Variants in PPP1R9A observed in about 807,000 individuals in gnomAD.
PPP1R9A encodes the protein protein phosphatase 1 regulatory subunit 9A.
In PPP1R9A, 59 loss-of-function variants were observed where a neutral mutation model predicts 141.9. The ratio of observed to expected loss-of-function variants is 0.42; its 90% CI spans 0.34 to 0.52. The LOEUF (loss-of-function observed/expected upper bound fraction) is 0.52, where lower values mean the gene tolerates loss of function less well. Ranked by LOEUF, PPP1R9A falls within the 20% of genes least tolerant of loss-of-function variation. PPP1R9A has a pLI of 0.10. For missense variants in PPP1R9A, 1,444 were observed against 1,611.9 expected (o/e 0.90, Z 1.78); for synonymous variants, 500 against 569.7 (o/e 0.88, Z 1.74).
intron 4 of PPP1R9A, among the ~76,000 whole-genome samples, chr7:95,141,147 G>T (rs1226227292): frequency 6.6e-6 from 1 of 152,118 alleles, no homozygotes; most frequent in Non-Finnish European, 1.5e-5. Context: ...GGTGAAGTCA[G>T]ATAAGGGACA....
chr7:95,162,158 A>G (rs1830551920), intron 5 of PPP1R9A, among the ~76,000 whole-genome samples, 187 bp downstream of exon 5: 1 of 152,216 alleles, frequency 6.6e-6, no homozygotes, highest in Non-Finnish European at 1.5e-5. Context: ...TAAAATTACA[A>G]ATCATAGTAT....
chr7:95,134,499 T>A (rs147939026), intron 4 of PPP1R9A, among the ~76,000 whole-genome samples: 2,868 of 152,272 alleles, frequency 0.019, 56 homozygotes, highest in East Asian at 0.12. Flanking sequence ...TGCAATGGCG[T>A]GATCTCGGCT....
chr7:95,039,342 G>A (rs1466687650), intron 2 of PPP1R9A, among the ~76,000 whole-genome samples: 1 of 152,114 alleles, frequency 6.6e-6, no homozygotes, highest in South Asian at 2.1e-4. Flanking sequence ...GCTGAGGCAG[G>A]CAGATCACTT....
At chr7:95,252,717 C>T (rs1449877114) in intron 12 of PPP1R9A, among the ~76,000 whole-genome samples, 3 of 152,098 alleles carry the variant, frequency 2.0e-5, no homozygotes, top group Non-Finnish European at 4.4e-5. Flanking sequence ...ATCCACCTGC[C>T]TTGGCTTCCT....
intron 5 of PPP1R9A, among the ~76,000 whole-genome samples, chr7:95,188,778 T>C (rs1835031904): frequency 6.6e-6 from 1 of 152,086 alleles, no homozygotes; most frequent in Admixed American, 6.5e-5. Flanking sequence ...TTTGTAGTTT[T>C]AGTAGAGATA....
intron 2 of PPP1R9A, among the ~76,000 whole-genome samples, chr7:95,033,183 T>G (rs1807931597): frequency 6.8e-6 from 1 of 147,694 alleles, no homozygotes; most frequent in Non-Finnish European, 1.5e-5. Context: ...TTTTTTTTTT[T>G]TTTTTTTTTT....
chr7:95,089,369 A>C (rs574482023), intron 2 of PPP1R9A, among the ~76,000 whole-genome samples: 13 of 152,176 alleles, frequency 8.5e-5, no homozygotes, highest in Admixed American at 8.5e-4. Context: ...TTTATAGAGA[A>C]CCATTCTGAA....
chr7:95,158,857 T>C (rs951109699), intron 4 of PPP1R9A, among the ~76,000 whole-genome samples: 6 of 152,212 alleles, frequency 3.9e-5, no homozygotes, highest in African/African-American at 7.2e-5. Context: ...TTACCCGCAC[T>C]AGTAATCAGT....
intron 2 of PPP1R9A, among the ~76,000 whole-genome samples, chr7:94,945,691 A>G (rs1029506790): frequency 6.6e-6 from 1 of 152,104 alleles, no homozygotes; most frequent in African/African-American, 2.4e-5. Flanking sequence ...AAGAATCAAT[A>G]AAGATATAAA....
At chr7:95,046,139 C>G (rs940781529) in intron 2 of PPP1R9A, among the ~76,000 whole-genome samples, 4 of 149,916 alleles carry the variant, frequency 2.7e-5, no homozygotes, top group Non-Finnish European at 5.9e-5. Flanking sequence ...AGTGCAATGG[C>G]ACAATCTCGG....
chr7:95,149,414 A>G (rs1375035273), intron 4 of PPP1R9A, among the ~76,000 whole-genome samples: 7 of 152,156 alleles, frequency 4.6e-5, no homozygotes, highest in Non-Finnish European at 1.5e-5. Flanking sequence ...CAATACACAG[A>G]TTTGGAAGGA....
intron 2 of PPP1R9A, among the ~76,000 whole-genome samples, chr7:94,983,372 C>T (rs1212779053): frequency 6.6e-6 from 1 of 152,082 alleles, no homozygotes; most frequent in Non-Finnish European, 1.5e-5. Flanking sequence ...TGAAGAAAGT[C>T]ATTGGTAGCT....
At chr7:94,974,515 T>C (rs1489532534) in intron 2 of PPP1R9A, among the ~76,000 whole-genome samples, 1 of 152,176 alleles carries the variant, frequency 6.6e-6, no homozygotes, top group African/African-American at 2.4e-5. Flanking sequence ...GGATGATGTA[T>C]CAGAGGAAGG....
intron 2 of PPP1R9A, among the ~76,000 whole-genome samples, chr7:95,070,334 A>T (rs1221160024): frequency 6.6e-6 from 1 of 151,944 alleles, no homozygotes; most frequent in Non-Finnish European, 1.5e-5. Flanking sequence ...GTTTGAAAAA[A>T]AATTGTCGAA....
intron 2 of PPP1R9A, among the ~76,000 whole-genome samples, chr7:95,010,389 G>A (rs1170837533): frequency 6.6e-6 from 1 of 152,042 alleles, no homozygotes; most frequent in African/African-American, 2.4e-5. Flanking sequence ...GGGTAACAGA[G>A]TGAGACTCTA....
At chr7:95,161,790 T>G (rs1382564486) in intron 4 of PPP1R9A, 77 bp from the exon 5 acceptor site, 2 of 934,660 alleles carry the variant, frequency 2.1e-6, no homozygotes, top group Non-Finnish European at 3.2e-6. Context: ...TTTTGTCAAC[T>G]GATTTGTTGG....
At chr7:95,016,346 T>C (rs1805102209) in intron 2 of PPP1R9A, among the ~76,000 whole-genome samples, 1 of 151,940 alleles carries the variant, frequency 6.6e-6, no homozygotes, top group South Asian at 2.1e-4. Context: ...CATTTGACAA[T>C]GAGATGAAAT....
chr7:95,177,347 C>T (rs986854910), intron 5 of PPP1R9A, among the ~76,000 whole-genome samples: 1 of 152,114 alleles, frequency 6.6e-6, no homozygotes, highest in Non-Finnish European at 1.5e-5. Flanking sequence ...CAAGCCACCA[C>T]TACAAGAACT....
At chr7:95,281,349 G>A (rs1804191411) in intron 16 of PPP1R9A, among the ~76,000 whole-genome samples, 1 of 152,114 alleles carries the variant, frequency 6.6e-6, no homozygotes. Flanking sequence ...GCCTCTCATT[G>A]CCTTCTGCCT....
Sources: gnomAD v4.1 joint callset for allele counts (sites outside exome capture counted in the v4.1 genomes callset) on GRCh38, gnomAD v4.1.1 for gene constraint, MANE v1.5 for transcripts, NCBI Gene and HGNC (gene_info 2026-07-23, HGNC 2026-07-21) for gene names.